The following CNBD1 variants were observed in gnomAD, a reference collection of about 807,000 sequenced individuals.
The protein encoded by CNBD1 is cyclic nucleotide binding domain containing 1.
A neutral mutation model predicts 54.4 loss-of-function variants in CNBD1; 71 were observed. The observed-to-expected ratio is 1.30, with a 90% confidence interval of 1.08 to 1.59. CNBD1 has a LOEUF of 1.59. CNBD1 is among the 40% of genes most tolerant of loss of function. CNBD1 has a pLI of 0.00. For synonymous variants in CNBD1, 182 were observed against 170.7 expected, an observed-to-expected ratio of 1.07 and a Z score of -0.51; for missense variants, 659 against 518.0, an observed-to-expected ratio of 1.27 and a Z score of -2.64.
chr8:86,877,609 A>G (rs1808539830), intron 1 of CNBD1, among the ~76,000 whole-genome samples: 1 of 152,162 alleles, frequency 6.6e-6, no homozygotes, highest in Non-Finnish European at 1.5e-5. Flanking sequence ...TCTTTGAAAT[A>G]TGGTAACAAT....
chr8:86,995,508 T>TA (rs1808851202), intron 4 of CNBD1, among the ~76,000 whole-genome samples: 3 of 152,166 alleles, frequency 2.0e-5, no homozygotes, highest in Non-Finnish European at 4.4e-5. Context: ...TGACTCAGGA[T>TA]AAAAATCACA....
chr8:86,904,203 T>G (rs557691954), intron 2 of CNBD1, among the ~76,000 whole-genome samples: 1 of 152,176 alleles, frequency 6.6e-6, no homozygotes, highest in Non-Finnish European at 1.5e-5. Context: ...GATTTTGTTG[T>G]TCATTGTCAT....
intron 6 of CNBD1, among the ~76,000 whole-genome samples, chr8:87,265,800 C>T (rs1464358590): frequency 6.6e-6 from 1 of 152,018 alleles, no homozygotes; most frequent in African/African-American, 2.4e-5. Flanking sequence ...AAAATATGTA[C>T]TATATTGTCT....
intron 4 of CNBD1, among the ~76,000 whole-genome samples, chr8:87,139,472 C>A (rs148482486): frequency 1.3e-5 from 2 of 152,264 alleles, no homozygotes; most frequent in East Asian, 3.9e-4. Context: ...CCAGTGCAGT[C>A]CTCGTTTCAT....
chr8:87,002,386 C>G (rs779706490), intron 4 of CNBD1, among the ~76,000 whole-genome samples: 2 of 152,102 alleles, frequency 1.3e-5, no homozygotes, highest in Non-Finnish European at 2.9e-5. Flanking sequence ...TCTTCTGTTC[C>G]AAAGCCTAGG....
intron 2 of CNBD1, among the ~76,000 whole-genome samples, chr8:87,389,214 C>T (rs561259499): frequency 7.2e-5 from 11 of 152,270 alleles, no homozygotes; most frequent in African/African-American, 1.2e-4. Flanking sequence ...CCTCTCTCAC[C>T]GCTGCTATTC....
intron 5 of CNBD1, among the ~76,000 whole-genome samples, chr8:87,219,712 C>A (rs1041026489): frequency 7.2e-5 from 11 of 151,950 alleles, no homozygotes; most frequent in African/African-American, 2.7e-4. Context: ...AGTTTCTAAA[C>A]TGTTCAATAT....
intron 4 of CNBD1, among the ~76,000 whole-genome samples, chr8:87,106,992 C>A (rs1478150474): frequency 3.3e-5 from 5 of 151,986 alleles, no homozygotes; most frequent in Admixed American, 3.3e-4. Flanking sequence ...CCGTGCCCGG[C>A]TAATTTTTTG....
At chr8:86,933,184 C>G (rs1376391834) in intron 3 of CNBD1, among the ~76,000 whole-genome samples, 1 of 152,150 alleles carries the variant, frequency 6.6e-6, no homozygotes, top group East Asian at 1.9e-4. Flanking sequence ...TTCTGAGGCT[C>G]TCCATATCCT....
intron 4 of CNBD1, among the ~76,000 whole-genome samples, chr8:87,134,252 G>C (rs1812179546): frequency 1.3e-5 from 2 of 152,098 alleles, no homozygotes; most frequent in Non-Finnish European, 2.9e-5. Flanking sequence ...ATGCACAATA[G>C]TTAACATGGA....
intron 5 of CNBD1, among the ~76,000 whole-genome samples, chr8:87,228,928 G>T (rs1048160394): frequency 3.9e-5 from 6 of 152,210 alleles, no homozygotes; most frequent in African/African-American, 7.2e-5. Context: ...CCAGGTGGGG[G>T]ATATAATCTC....
In CNBD1 at chr8:86,986,198, G is replaced by A. The variant is rs187136355; in HGVS notation, c.431+46444G>A. On this transcript the variant is annotated intron_variant, in intron 4 of 10. Coordinates refer to ENST00000518476, the MANE Select transcript of CNBD1 (RefSeq NM_173538.3). The stretch of plus-strand genomic sequence containing the variant: ...CTGCCTCAGCCTCCCAAAGTGCTGC[G>A]ATTACAGGCATGATCCACCATGCCC... 2.4e-3 allele frequency among the ~76,000 whole-genome samples: 370 copies of A among 152,252 alleles called. 1 individual carries two copies. The highest frequency in any genetic ancestry group is 8.0e-3 in the African/African-American group (332 of 41,558).
At chr8:87,297,821 T>A (rs1409806746) in intron 8 of CNBD1, among the ~76,000 whole-genome samples, 1 of 152,018 alleles carries the variant, frequency 6.6e-6, no homozygotes, top group African/African-American at 2.4e-5. Context: ...ATACCAGGAT[T>A]ATGAATTAAA....
chr8:86,884,726 G>A (rs1262675043), intron 1 of CNBD1, among the ~76,000 whole-genome samples: 7 of 152,090 alleles, frequency 4.6e-5, no homozygotes, highest in African/African-American at 1.7e-4. Flanking sequence ...GCTTATTATT[G>A]TATAAGGGTT....
At chr8:86,973,628 G>A (rs1808272829) in intron 4 of CNBD1, among the ~76,000 whole-genome samples, 1 of 152,192 alleles carries the variant, frequency 6.6e-6, no homozygotes, top group African/African-American at 2.4e-5. Context: ...TGCAGAAGTT[G>A]TGTTTAGTGT....
chr8:87,134,593 C>G (rs889570783), intron 4 of CNBD1, among the ~76,000 whole-genome samples: 1 of 134,038 alleles, frequency 7.5e-6, no homozygotes, highest in Non-Finnish European at 1.6e-5. Flanking sequence ...AATTAGATTA[C>G]CTTTTTTTTT....
rs986650367 is a variant in CNBD1 at position 87,129,390 on chromosome 8, C to A, written c.432-76603C>A. 3.9e-5 allele frequency among the ~76,000 whole-genome samples: 6 copies of A among 152,158 alleles called. No homozygotes were observed. In the East Asian group the frequency reaches 7.8e-4, roughly 20 times the overall value. Reference sequence around the variant, plus strand: ...ACCTATTTATCTCTCTGTTATCAATCATTATGCAGGTTATTGATTTTTTTC... The same window carrying A: ...ACCTATTTATCTCTCTGTTATCAATAATTATGCAGGTTATTGATTTTTTTC... On this transcript the variant is annotated intron_variant, in intron 4 of 10. Transcript: ENST00000518476.
At position 87,314,257 on chromosome 8, in the gene CNBD1, G is replaced by T. The variant is rs542821818; in HGVS notation, c.1042+27586G>T. ...TAATCTAGCAGCACTTTAAAGAATG[G>T]CACACCCAAAACAAAGTTCATTTAT... On this transcript the variant is annotated intron_variant, in intron 8 of 10. Transcript: ENST00000518476. Among the ~76,000 whole-genome samples the T allele has an allele frequency of 1.1e-4, 17 of 151,594 alleles. No individual in the cohort carries two copies. In the East Asian group the frequency reaches 3.3e-3, roughly 29 times the overall value.
intron 4 of CNBD1, among the ~76,000 whole-genome samples, chr8:86,946,813 C>G (rs6468572): frequency 0.28 from 42,384 of 151,982 alleles, 6,064 homozygotes; most frequent in East Asian, 0.4. Context: ...TAATGTCTGA[C>G]TGTACAAAAA....
Sources: gnomAD v4.1 joint callset for allele counts (sites outside exome capture counted in the v4.1 genomes callset) on GRCh38, gnomAD v4.1.1 for gene constraint, MANE v1.5 for transcripts, NCBI Gene and HGNC (gene_info 2026-07-23, HGNC 2026-07-21) for gene names.